Variants in SHC2 observed in about 807,000 individuals in gnomAD.
SHC2 encodes the protein SHC adaptor protein 2, also known as SHC-transforming protein 2.
Under a neutral mutation model 60.6 loss-of-function variants are expected in SHC2, and 62 were observed. That is an observed-to-expected ratio of 1.02 (90% CI 0.83 to 1.26). The LOEUF (loss-of-function observed/expected upper bound fraction) is 1.26, where lower values mean the gene tolerates loss of function less well. Ranked by LOEUF, SHC2 falls within the 50% of genes most tolerant of loss-of-function variation. The probability of loss-of-function intolerance (pLI) is 0.00; values close to 1 mark genes in which losing one functional copy is unlikely to be tolerated. For missense variants in SHC2, 873 were observed against 822.2 expected (o/e 1.06, Z -0.76); for synonymous variants, 375 against 372.4 (o/e 1.01, Z -0.08).
At position 425,746 on chromosome 19, in the gene SHC2, G is replaced by A. The variant is rs576518791; in HGVS notation, c.1175-515C>T. Among the ~76,000 whole-genome samples, 2 of 152,108 alleles carry A rather than the reference G, an allele frequency of 1.3e-5. No individual in the cohort carries two copies. The highest frequency in any genetic ancestry group is 4.8e-5 in the African/African-American group (2 of 41,488). On this transcript the variant is annotated intron_variant, in intron 9 of 12. Coordinates refer to ENST00000264554, the MANE Select transcript of SHC2 (RefSeq NM_012435.3). This position sits in a 1 kb window ranked among gnomAD's most constrained non-coding sequence, Gnocchi z 4.1. ...TTTGAACGTGTAAAGTGTTTACATG[G>A]GGCCGGGCGTGGTGGCTCACGCCTG...
intron 1 of SHC2, among the ~76,000 whole-genome samples, chr19:458,594 C>A (rs367687676): frequency 0.054 from 1,209 of 22,584 alleles, 57 homozygotes; most frequent in South Asian, 0.15. Context: ...TTCCGGGGGA[C>A]GGGGAAGTGG....
chr19:434,912 G>T, intron 7 of SHC2, 47 bp from the exon 8 acceptor site: 1 of 1,573,132 alleles, frequency 6.4e-7, no homozygotes. Context: ...GGCCCAAGGG[G>T]GCTAAAGCCT....
intron 1 of SHC2, among the ~76,000 whole-genome samples, chr19:451,923 A>G (rs1975209914): frequency 6.6e-6 from 1 of 152,152 alleles, no homozygotes; most frequent in Admixed American, 6.5e-5. Flanking sequence ...AGTTGGACTA[A>G]AATAGTTGTT....
In SHC2 at chr19:436,664, A is replaced by T; in HGVS notation, c.740T>A (p.Met247Lys). The T allele has an allele frequency of 1.2e-6, 2 of 1,607,236 alleles. No individual in the cohort carries two copies. The highest frequency in any genetic ancestry group is 1.7e-6 in the Non-Finnish European group (2 of 1,179,316). Residue 247 changes from methionine (M) to lysine (K), a missense_variant, in exon 5 of 13, where the codon ATG becomes AAG. Coordinates refer to ENST00000264554, the MANE Select transcript of SHC2 (RefSeq NM_012435.3). ...ATRQVIANHH[M>K]PSISFASGGD... is the part of the protein sequence containing the mutation. Reference sequence around the variant, plus strand: ...GCCTGACGCGAAGGAGATGGACGGCATGTGGTGGTTGGCGATGACCTGTGG... The same window carrying T: ...GCCTGACGCGAAGGAGATGGACGGCTTGTGGTGGTTGGCGATGACCTGTGG...
Position 441,309 on chromosome 19 carries a change from A to G in SHC2, c.469-377T>C. 1 of 280,418 alleles carries G rather than the reference A, an allele frequency of 3.6e-6. No homozygotes were observed. Among genetic ancestry groups the G allele is most frequent in the Non-Finnish European group, 5.4e-6 (1 of 186,352 alleles). 17.4% of individuals were successfully genotyped at this position (280,418 alleles called of 1,614,324 possible). ...GAGCACTTCCCTATCTCCAGCGCCCAGTTCAGGGTCTGGCAAACAGTGGGG... is the reference window on the plus strand; with the variant it reads ...GAGCACTTCCCTATCTCCAGCGCCCGGTTCAGGGTCTGGCAAACAGTGGGG... On this transcript the variant is annotated intron_variant, in intron 1 of 12. Transcript: ENST00000264554. This position sits in a 1 kb window ranked among gnomAD's most constrained non-coding sequence, Gnocchi z 4.9.
chr19:436,402 G>A lies in SHC2; in HGVS notation c.804C>T (p.Ala268=). The change falls in exon 6 of 13, where the codon GCC becomes GCT. Residue 268 remains alanine, a synonymous_variant. Coordinates refer to ENST00000264554, the MANE Select transcript of SHC2 (RefSeq NM_012435.3). ...CACCTCTCTGGTTGATGGGGTCCTT[G>A]GCGACGTAGGCCACGTAATCCGTCA... The part of the protein sequence containing the change: ...TDMTDYVAYV[A]KDPINQRACH... 1 of 1,594,254 alleles carries A rather than the reference G, an allele frequency of 6.3e-7. No homozygotes were observed. Among genetic ancestry groups the A allele is most frequent in the Non-Finnish European group, 8.6e-7 (1 of 1,167,768 alleles).
At position 460,681 on chromosome 19, in the gene SHC2, C is replaced by T; in HGVS notation, c.316G>A (p.Gly106Arg). The part of the protein sequence containing the change: ...LSRCRGAGSR[G>R]SRGGRGAAGS... ...GCCGCCCCCCGCCCGCCCCGCGACC[C>T]CCGCGACCCCGCGCCCCGACAGCGG... is the stretch of plus-strand genomic sequence containing the variant. The change falls in exon 1 of 13, where the codon GGG becomes AGG. Residue 106 changes from glycine to arginine, a missense_variant. Physicochemically the swap from Gly to Arg is moderately radical, Grantham distance 125. Transcript: ENST00000264554. 1 of 1,047,872 alleles carries T rather than the reference C, an allele frequency of 9.5e-7. No individual in the cohort carries two copies. Among genetic ancestry groups the T allele is most frequent in the Non-Finnish European group, 1.1e-6 (1 of 875,606 alleles). The allele number at this position is 1,047,872 out of a possible 1,614,324, so 64.9% of individuals were successfully genotyped here. A position where few individuals can be genotyped will look rare whatever the true frequency, so the allele number is the denominator to read the frequency against.
intron 1 of SHC2, among the ~76,000 whole-genome samples, chr19:455,453 C>T (rs894149047): frequency 2.0e-5 from 3 of 152,350 alleles, no homozygotes; most frequent in South Asian, 2.1e-4. Context: ...TGAGCCTCGG[C>T]GCCGGAGGTA....
At position 422,427 on chromosome 19, in the gene SHC2, C is replaced by T. The variant is rs772209524; in HGVS notation, c.1339G>A (p.Glu447Lys). 7.6e-6 allele frequency: 12 copies of T among 1,578,786 alleles called. No individual in the cohort carries two copies. The highest frequency in any genetic ancestry group is 9.5e-6 in the Non-Finnish European group (11 of 1,161,840). ...RPFEDALKLH[E>K]CSVAAGVTAA... Reference sequence around the variant, plus strand: ...GTCACGCCTGCCGCCACTGAGCACTCATGCAACTTCAGGGCATCCTCAAAG... The same window carrying T: ...GTCACGCCTGCCGCCACTGAGCACTTATGCAACTTCAGGGCATCCTCAAAG... Residue 447 changes from glutamate (E) to lysine (K), a missense_variant, in exon 11 of 13, where the codon GAG becomes AAG. Transcript: ENST00000264554. This position sits in a 1 kb window ranked among gnomAD's most constrained non-coding sequence, Gnocchi z 5.0.
At chr19:420,943 G>A (rs1412371115) in intron 11 of SHC2, among the ~76,000 whole-genome samples, 3 of 152,166 alleles carry the variant, frequency 2.0e-5, no homozygotes, top group East Asian at 1.9e-4. Context: ...TCAGCTACTC[G>A]GGAGGCTGAG....
At chr19:450,689 C>T (rs1368827210) in intron 1 of SHC2, among the ~76,000 whole-genome samples, 4 of 152,202 alleles carry the variant, frequency 2.6e-5, no homozygotes, top group Admixed American at 6.5e-5. Flanking sequence ...TTGGCCGCGT[C>T]GTATTTCAGC....
intron 9 of SHC2, among the ~76,000 whole-genome samples, chr19:427,009 CA>C (rs1304268653): frequency 6.6e-6 from 1 of 152,168 alleles, no homozygotes; most frequent in Admixed American, 6.5e-5. Context: ...GGTGTGGGCA[CA>C]GGGGCAGGGA....
chr19:429,366 C>T (rs1031085624), intron 9 of SHC2, among the ~76,000 whole-genome samples: 3 of 149,878 alleles, frequency 2.0e-5, no homozygotes, highest in Non-Finnish European at 4.4e-5. Flanking sequence ...GCACGGAAAC[C>T]TAACACCGTG....
In SHC2 at chr19:425,959, G is replaced by A. The variant is rs963837957; in HGVS notation, c.1175-728C>T. On this transcript the variant is annotated intron_variant, in intron 9 of 12. Coordinates refer to ENST00000264554, the MANE Select transcript of SHC2 (RefSeq NM_012435.3). This position sits in a 1 kb window ranked among gnomAD's most constrained non-coding sequence, Gnocchi z 4.1. The stretch of plus-strand genomic sequence containing the variant: ...CATGAGAATCACTTGAATTCAGGAC[G>A]CACAGATTGCAGTGAGCTGAGATTG... Among the ~76,000 whole-genome samples, 11 of 150,574 alleles carry A rather than the reference G, an allele frequency of 7.3e-5. No individual in the cohort carries two copies. Among genetic ancestry groups the A allele is most frequent in the Admixed American group, 6.0e-4 (9 of 15,084 alleles).
chr19:450,196 C>A (rs1209891036), intron 1 of SHC2, among the ~76,000 whole-genome samples: 1 of 152,218 alleles, frequency 6.6e-6, no homozygotes, highest in Non-Finnish European at 1.5e-5. Flanking sequence ...CTCACAATGA[C>A]ACCGAACTGT....
intron 7 of SHC2, among the ~76,000 whole-genome samples, chr19:435,464 A>C (rs1226198385): frequency 6.6e-6 from 1 of 152,250 alleles, no homozygotes; most frequent in Non-Finnish European, 1.5e-5. Flanking sequence ...CCGTGCACAA[A>C]GGGGTGAGTG....
At chr19:428,311 C>T (rs1974471474) in intron 9 of SHC2, among the ~76,000 whole-genome samples, 1 of 152,232 alleles carries the variant, frequency 6.6e-6, no homozygotes, top group African/African-American at 2.4e-5. Context: ...CCGAGTGCCC[C>T]TCCCTGGGAC....
chr19:441,655 G>A lies in SHC2; in HGVS notation c.469-723C>T, dbSNP rs1974873301. On this transcript the variant is annotated intron_variant, in intron 1 of 12. Transcript: ENST00000264554. The surrounding 1 kb of genome is among the most constrained non-coding windows in gnomAD (Gnocchi z 4.9). ...TACAGAGGCAGCAAGAGCATGTGTG[G>A]GTGCCAGGAGCCGGGGAATGAAGGC... Among the ~76,000 whole-genome samples, 1 of 152,230 alleles carries A rather than the reference G, an allele frequency of 6.6e-6. No homozygotes were observed.
Position 438,937 on chromosome 19 carries a change from C to G in SHC2, c.600+33G>C, listed in dbSNP as rs746959399. 2 of 1,581,106 alleles carry G rather than the reference C, an allele frequency of 1.3e-6. No individual in the cohort carries two copies. Among genetic ancestry groups the G allele is most frequent in the East Asian group, 4.6e-5 (2 of 43,284 alleles). Reference sequence around the variant, plus strand: ...GTCCCCACAGCCCCCGACTGCCCCACCAGCCCCACGAGAGACCACAAGCCT... The same window carrying G: ...GTCCCCACAGCCCCCGACTGCCCCAGCAGCCCCACGAGAGACCACAAGCCT... On this transcript the variant is annotated intron_variant, in intron 3 of 12. Coordinates refer to ENST00000264554, the MANE Select transcript of SHC2 (RefSeq NM_012435.3). The surrounding 1 kb of genome is among the most constrained non-coding windows in gnomAD (Gnocchi z 5.0).
Sources: gnomAD v4.1 joint callset for allele counts (sites outside exome capture counted in the v4.1 genomes callset) on GRCh38, gnomAD v4.1.1 for gene constraint, Gnocchi (gnomAD v3.1) non-coding constraint, MANE v1.5 for transcripts, NCBI Gene and HGNC (gene_info 2026-07-23, HGNC 2026-07-21) for gene names.